The following SGCZ variants were observed in gnomAD, a reference collection of about 807,000 sequenced individuals.
SGCZ encodes the protein sarcoglycan zeta, also known as zeta-sarcoglycan.
SGCZ carries 40 observed loss-of-function variants against 41.3 expected under a neutral mutation model. The observed-to-expected ratio is 0.97, with a 90% CI of 0.75 to 1.26. The LOEUF (loss-of-function observed/expected upper bound fraction) is 1.26. SGCZ is among the 50% of genes most tolerant of loss of function. The pLI, the probability that SGCZ is intolerant of heterozygous loss-of-function variation, is 0.00. For missense variants in SGCZ, 552 were observed against 369.8 expected, an observed-to-expected ratio of 1.49 and a Z score of -4.04; for synonymous variants, 206 against 137.5, an observed-to-expected ratio of 1.50 and a Z score of -3.49.
intron 2 of SGCZ, among the ~76,000 whole-genome samples, chr8:14,489,458 T>C (rs1288269417): frequency 6.6e-6 from 1 of 152,098 alleles, no homozygotes; most frequent in East Asian, 1.9e-4. Context: ...AAAGAACACA[T>C]TTGTACATGT....
intron 2 of SGCZ, among the ~76,000 whole-genome samples, chr8:14,533,235 A>C (rs1803191702): frequency 6.6e-6 from 1 of 151,966 alleles, no homozygotes; most frequent in African/African-American, 2.4e-5. Flanking sequence ...ATGAGTGAGA[A>C]CAAAATTGCA....
At chr8:15,045,228 A>G (rs1804258391) in intron 1 of SGCZ, among the ~76,000 whole-genome samples, 1 of 152,132 alleles carries the variant, frequency 6.6e-6, no homozygotes, top group Non-Finnish European at 1.5e-5. Context: ...TCAGATGGAC[A>G]AACAAGAGAC....
At chr8:14,788,344 A>T (rs1563269930) in intron 1 of SGCZ, among the ~76,000 whole-genome samples, 2 of 152,174 alleles carry the variant, frequency 1.3e-5, no homozygotes, top group Non-Finnish European at 2.9e-5. Flanking sequence ...TGGGCGATTA[A>T]TTTCTCTAAG....
intron 1 of SGCZ, among the ~76,000 whole-genome samples, chr8:14,909,518 T>G (rs1254043557): frequency 6.6e-6 from 1 of 152,212 alleles, no homozygotes; most frequent in Non-Finnish European, 1.5e-5. Flanking sequence ...TTATCTGTGC[T>G]AACCATTCCC....
chr8:14,731,887 T>C lies in SGCZ; in HGVS notation c.40-176961A>G, dbSNP rs1323439739. 2.6e-5 allele frequency among the ~76,000 whole-genome samples: 4 copies of C among 152,126 alleles called. 1 individual carries two copies. The highest frequency in any genetic ancestry group is 9.7e-5 in the African/African-American group (4 of 41,438). On this transcript the variant is annotated intron_variant, in intron 1 of 7. Transcript: ENST00000382080. ...CCTTAAGCTCCCCACTCAAAACACC[T>C]AGCAGATCTCTGACCTATTATCATG... is the stretch of plus-strand genomic sequence containing the variant.
chr8:14,510,434 T>C (rs1013251400), intron 2 of SGCZ, among the ~76,000 whole-genome samples: 8 of 150,970 alleles, frequency 5.3e-5, no homozygotes, highest in African/African-American at 1.7e-4. Flanking sequence ...AACCTATCTT[T>C]GTCCTGTAGA....
intron 1 of SGCZ, among the ~76,000 whole-genome samples, chr8:14,754,813 A>C (rs1238039413): frequency 6.6e-6 from 1 of 152,176 alleles, no homozygotes; most frequent in Non-Finnish European, 1.5e-5. Flanking sequence ...AGCAATCCTC[A>C]TGCCTTGAGT....
chr8:14,447,657 A>G (rs1800471315), intron 2 of SGCZ, among the ~76,000 whole-genome samples: 1 of 152,176 alleles, frequency 6.6e-6, no homozygotes, highest in African/African-American at 2.4e-5. Flanking sequence ...CATGATCCAC[A>G]ATGAAGGATG....
chr8:14,170,359 T>C (rs1585198213), intron 4 of SGCZ, among the ~76,000 whole-genome samples: 1 of 152,140 alleles, frequency 6.6e-6, no homozygotes, highest in South Asian at 2.1e-4. Flanking sequence ...TCAAACCTGA[T>C]CTTAATGGCA....
At chr8:14,789,791 T>C (rs1384472911) in intron 1 of SGCZ, among the ~76,000 whole-genome samples, 1 of 152,128 alleles carries the variant, frequency 6.6e-6, no homozygotes, top group African/African-American at 2.4e-5. Flanking sequence ...ATTTTTGTAC[T>C]CTCAGTACAA....
intron 3 of SGCZ, among the ~76,000 whole-genome samples, chr8:14,263,245 T>C (rs1799737844): frequency 6.6e-6 from 1 of 152,188 alleles, no homozygotes; most frequent in East Asian, 1.9e-4. Context: ...AGTAATATGT[T>C]TTAAGTCTAT....
intron 2 of SGCZ, among the ~76,000 whole-genome samples, chr8:14,470,609 T>C (rs994690408): frequency 3.3e-5 from 5 of 152,140 alleles, no homozygotes; most frequent in Non-Finnish European, 1.5e-5. Flanking sequence ...TATCCATTTA[T>C]TTTCTGTCCA....
intron 1 of SGCZ, among the ~76,000 whole-genome samples, chr8:14,792,924 T>C (rs1384572638): frequency 6.6e-6 from 1 of 152,148 alleles, no homozygotes; most frequent in African/African-American, 2.4e-5. Flanking sequence ...ACTATTGGCA[T>C]GCTGATGACA....
intron 1 of SGCZ, among the ~76,000 whole-genome samples, chr8:15,057,043 A>ATG (rs1238033723): frequency 6.6e-6 from 1 of 152,160 alleles, no homozygotes; most frequent in African/African-American, 2.4e-5. Context: ...GCCATGATGG[A>ATG]TGTGTGGGCC....
chr8:14,727,349 G>C (rs966085334), intron 1 of SGCZ, among the ~76,000 whole-genome samples: 19 of 152,058 alleles, frequency 1.2e-4, no homozygotes, highest in Admixed American at 5.2e-4. Context: ...AAGAAGATGT[G>C]TAAAAAATGA....
At chr8:14,630,323 G>C (rs533901856) in intron 1 of SGCZ, among the ~76,000 whole-genome samples, 7 of 151,864 alleles carry the variant, frequency 4.6e-5, no homozygotes, top group African/African-American at 1.7e-4. Context: ...GCTGTTCTAA[G>C]AGAGAGGCTT....
At chr8:14,715,286 A>G (rs1413859856) in intron 1 of SGCZ, among the ~76,000 whole-genome samples, 1 of 149,244 alleles carries the variant, frequency 6.7e-6, no homozygotes, top group African/African-American at 2.5e-5. Context: ...GAGTATGCCA[A>G]AAAAATTGGG....
At chr8:14,595,106 TATTAA>T in intron 1 of SGCZ, among the ~76,000 whole-genome samples, 1 of 150,418 alleles carries the variant, frequency 6.6e-6, no homozygotes, top group Admixed American at 6.6e-5. Context: ...CTCAAAATTG[TATTAA>T]CATCAATAAT....
intron 1 of SGCZ, among the ~76,000 whole-genome samples, chr8:14,609,059 A>C (rs976083302): frequency 6.6e-6 from 1 of 152,148 alleles, no homozygotes; most frequent in African/African-American, 2.4e-5. Flanking sequence ...AAAGCAATCA[A>C]ATATTTGTTT....
Sources: allele counts gnomAD v4.1 joint callset (sites outside exome capture counted in the v4.1 genomes callset), GRCh38; gene constraint gnomAD v4.1.1; transcripts MANE v1.5; gene names NCBI Gene and HGNC (gene_info 2026-07-23, HGNC 2026-07-21).